LIN9: variants seen among roughly 807,000 people sequenced by gnomAD.
LIN9 encodes lin-9 DREAM MuvB core complex component.
A neutral mutation model predicts 78.0 loss-of-function variants in LIN9; 18 were observed. That is an observed-to-expected ratio of 0.23 (90% confidence interval 0.16 to 0.34). The LOEUF is 0.34. LIN9 is among the 10% of genes least tolerant of loss of function. The pLI is 1.00. For synonymous variants in LIN9, 192 were observed against 215.2 expected, an observed-to-expected ratio of 0.89 and a Z score of 0.94; for missense variants, 451 against 644.1, an observed-to-expected ratio of 0.70 and a Z score of 3.25.
chr1:226,256,722 C>A (rs1029492974), intron 10 of LIN9, among the ~76,000 whole-genome samples: 1 of 151,468 alleles, frequency 6.6e-6, no homozygotes. Context: ...CCATGCCCAG[C>A]TAATTTTTTG....
intron 7 of LIN9, among the ~76,000 whole-genome samples, chr1:226,268,816 T>C (rs944228074): frequency 6.6e-6 from 1 of 152,206 alleles, no homozygotes; most frequent in Non-Finnish European, 1.5e-5. Context: ...CATGACTCTA[T>C]TGGGAGAGGA....
chr1:226,269,489 T>A (rs917259058), intron 7 of LIN9, among the ~76,000 whole-genome samples: 1 of 152,180 alleles, frequency 6.6e-6, no homozygotes, highest in African/African-American at 2.4e-5. Context: ...ACGTTTATTG[T>A]TGAAGAAGTG....
Position 226,231,869 on chromosome 1 carries a change from TTA to T in LIN9, c.*630_*631del. ...TTTCAACAAACAACAAAGGTTTCTT[TTA>T]TATGTTATGATAAATTAAAATATTT... is the stretch of plus-strand genomic sequence containing the variant. On this transcript the variant is annotated 3_prime_UTR_variant, in exon 15 of 15. Coordinates refer to ENST00000681046, the MANE Select transcript of LIN9 (RefSeq NM_001366245.2). 1 of 291,822 alleles carries T rather than the reference TTA, an allele frequency of 3.4e-6. No individual in the cohort carries two copies. The highest frequency in any genetic ancestry group is 6.2e-6 in the Non-Finnish European group (1 of 161,946). The allele number at this position is 291,822 out of a possible 1,614,324, so 18.1% of individuals were successfully genotyped here.
At chr1:226,242,465 A>G (rs2102845484) in intron 11 of LIN9, among the ~76,000 whole-genome samples, 1 of 152,376 alleles carries the variant, frequency 6.6e-6, no homozygotes, top group South Asian at 2.1e-4. Flanking sequence ...CTAAATATTA[A>G]AAGAAACTAT....
chr1:226,240,954 T>C (rs1257842884), intron 11 of LIN9, among the ~76,000 whole-genome samples: 3 of 152,238 alleles, frequency 2.0e-5, no homozygotes, highest in Admixed American at 6.5e-5. Flanking sequence ...GAGGCCCATG[T>C]ACCGCAGCCA....
intron 6 of LIN9, among the ~76,000 whole-genome samples, chr1:226,281,883 G>A (rs984439817): frequency 1.3e-5 from 2 of 151,644 alleles, no homozygotes; most frequent in Admixed American, 6.6e-5. Context: ...TAGTAGAGAC[G>A]GGGTTTCACC....
At chr1:226,294,630 C>T (rs775927766) in intron 4 of LIN9, among the ~76,000 whole-genome samples, 1 of 151,876 alleles carries the variant, frequency 6.6e-6, no homozygotes, top group Admixed American at 6.6e-5. Context: ...AGAATATCAC[C>T]TCTACCATCC....
chr1:226,285,467 C>G (rs951167889), intron 6 of LIN9, among the ~76,000 whole-genome samples: 10 of 152,026 alleles, frequency 6.6e-5, no homozygotes, highest in African/African-American at 2.4e-4. Flanking sequence ...TCTATTTGTC[C>G]AAATCACTTT....
At chr1:226,270,824 CAAAAAAAAAA>C (rs764106581) in intron 7 of LIN9, among the ~76,000 whole-genome samples, 2 of 22,170 alleles carry the variant, frequency 9.0e-5, no homozygotes, top group Non-Finnish European at 1.3e-4. Context: ...GACTCTGTCT[CAAAAAAAAAA>C]AAAAAAAAAA....
At position 226,263,339 on chromosome 1, in the gene LIN9, T is replaced by C. The variant is rs184805069; in HGVS notation, c.1038+2194A>G. On this transcript the variant is annotated intron_variant, in intron 10 of 14. Coordinates refer to ENST00000681046, the MANE Select transcript of LIN9 (RefSeq NM_001366245.2). ...TGACTGTAACAAATGTACCATCTGC[T>C]GGGAGATAATAGGGGGAGACTACAC... is the stretch of plus-strand genomic sequence containing the variant. Among the ~76,000 whole-genome samples the C allele has an allele frequency of 4.9e-4, 74 of 152,152 alleles. 1 individual carries two copies. Among genetic ancestry groups the C allele is most frequent in the African/African-American group, 1.6e-3 (68 of 41,512 alleles).
chr1:226,245,806 C>T (rs1658441642), intron 11 of LIN9, among the ~76,000 whole-genome samples: 1 of 152,140 alleles, frequency 6.6e-6, no homozygotes, highest in Non-Finnish European at 1.5e-5. Context: ...CTATGTTGGC[C>T]AGGCTAGTCT....
At chr1:226,308,724 C>G (rs1371377672) in intron 1 of LIN9, 1 of 156,990 alleles carries the variant, frequency 6.4e-6, no homozygotes, top group Admixed American at 6.5e-5. Context: ...GTTACATAAC[C>G]CCGGCGGGCG....
intron 12 of LIN9, among the ~76,000 whole-genome samples, chr1:226,237,976 A>G (rs919096685): frequency 6.6e-6 from 1 of 151,598 alleles, no homozygotes; most frequent in African/African-American, 2.4e-5. Flanking sequence ...AAAGAATCTG[A>G]TATCACAAAT....
intron 11 of LIN9, among the ~76,000 whole-genome samples, chr1:226,249,538 G>T (rs1379315825): frequency 1.3e-5 from 2 of 152,038 alleles, no homozygotes; most frequent in Non-Finnish European, 2.9e-5. Context: ...TCCTAAAAGA[G>T]GATTGTTCTT....
chr1:226,279,472 A>C (rs1011088821), intron 6 of LIN9, among the ~76,000 whole-genome samples: 1 of 150,078 alleles, frequency 6.7e-6, no homozygotes, highest in African/African-American at 2.5e-5. Flanking sequence ...CCACCCACCC[A>C]AAAAAAAGAG....
intron 7 of LIN9, among the ~76,000 whole-genome samples, chr1:226,274,347 T>C (rs1226435818): frequency 6.6e-6 from 1 of 152,212 alleles, no homozygotes; most frequent in Non-Finnish European, 1.5e-5. Flanking sequence ...TTTTCTGATA[T>C]GAAGTTGGCT....
intron 11 of LIN9, among the ~76,000 whole-genome samples, chr1:226,246,609 C>A (rs1160649429): frequency 6.7e-6 from 1 of 150,244 alleles, no homozygotes; most frequent in Non-Finnish European, 1.5e-5. Context: ...GGTGAAACCC[C>A]GTCTCTACTA....
At position 226,237,756 on chromosome 1, in the gene LIN9, T is replaced by A. The variant is rs1159127110; in HGVS notation, c.1245+1215A>T. 2.6e-5 allele frequency among the ~76,000 whole-genome samples: 4 copies of A among 151,640 alleles called. No homozygotes were observed. The East Asian group carries it at 7.7e-4, about 29-fold the overall frequency. On this transcript the variant is annotated intron_variant, in intron 12 of 14. Coordinates refer to ENST00000681046, the MANE Select transcript of LIN9 (RefSeq NM_001366245.2). ...TGAGGTCAGGAGTTCGAGACCAGCC[T>A]GGCCTATAATATGGTGAAACCCCAT...
chr1:226,304,782 G>A (rs756423458), intron 1 of LIN9, among the ~76,000 whole-genome samples: 1 of 152,116 alleles, frequency 6.6e-6, no homozygotes, highest in Non-Finnish European at 1.5e-5. Flanking sequence ...GCATGGAACT[G>A]GGAATGCAAT....
Sources: gnomAD v4.1 joint callset for allele counts (sites outside exome capture counted in the v4.1 genomes callset) on GRCh38, gnomAD v4.1.1 for gene constraint, MANE v1.5 for transcripts, NCBI Gene and HGNC (gene_info 2026-07-23, HGNC 2026-07-21) for gene names.